TM2D1: variants seen among roughly 807,000 people sequenced by gnomAD.
TM2D1 encodes the protein TM2 domain-containing protein 1.
A neutral mutation model predicts 28.4 loss-of-function variants in TM2D1; 15 were observed. The ratio of observed to expected loss-of-function variants is 0.53; its 90% CI spans 0.35 to 0.81. The LOEUF (loss-of-function observed/expected upper bound fraction) is 0.81. TM2D1 is among the 40% of genes least tolerant of loss of function. TM2D1 has a pLI of 0.01. For synonymous variants in TM2D1, 93 were observed against 96.2 expected (o/e 0.97, Z 0.20); for missense variants, 236 against 254.9 (o/e 0.93, Z 0.50).
chr1:61,718,037 G>A (rs900120959), intron 2 of TM2D1, among the ~76,000 whole-genome samples: 4 of 152,018 alleles, frequency 2.6e-5, no homozygotes, highest in East Asian at 1.9e-4. Flanking sequence ...AACAAAAAAC[G>A]CCAGGTGTGG....
intron 3 of TM2D1, among the ~76,000 whole-genome samples, chr1:61,707,179 A>C (rs1286623): frequency 1.3e-5 from 2 of 152,144 alleles, no homozygotes; most frequent in African/African-American, 2.4e-5. Context: ...GGCTTGAACC[A>C]GGAAGGTTGA....
intron 2 of TM2D1, among the ~76,000 whole-genome samples, chr1:61,709,728 A>G (rs1644464014): frequency 6.6e-6 from 1 of 152,210 alleles, no homozygotes; most frequent in Non-Finnish European, 1.5e-5. Context: ...CCAAGGGAAG[A>G]ATTGCACAAC....
rs769317909 is a variant in TM2D1 at position 61,723,750 on chromosome 1, C to T, written c.201G>A (p.Thr67=). 3.5e-5 allele frequency: 55 copies of T among 1,557,926 alleles called. No homozygotes were observed. Among genetic ancestry groups the T allele is most frequent in the East Asian group, 6.9e-5 (3 of 43,682 alleles). ...AGTTTGTACAGTTAACTGGTTCTTG[C>T]GTAGCGTCATTTATTTTTGGATCTT... ...ICKDPKINDA[T]QEPVNCTNYT... Residue 67 remains threonine, a synonymous_variant, in exon 2 of 7, where the codon ACG becomes ACA. Coordinates refer to ENST00000606498, the MANE Select transcript of TM2D1 (RefSeq NM_032027.3).
At chr1:61,691,830 G>C (rs139303816) in intron 5 of TM2D1, among the ~76,000 whole-genome samples, 1 of 149,234 alleles carries the variant, frequency 6.7e-6, no homozygotes, top group Non-Finnish European at 1.5e-5. Context: ...CAGGAGAAAC[G>C]CTTGAATCCA....
At chr1:61,699,026 TAC>T (rs2148046503) in intron 4 of TM2D1, 1 of 152,268 alleles carries the variant, frequency 6.6e-6, no homozygotes, top group East Asian at 1.9e-4. Flanking sequence ...TAATAGAAAT[TAC>T]AATTTATTTA....
rs1016124536 is a variant in TM2D1 at position 61,683,171 on chromosome 1, G to A, written c.*19+246C>T. ...CAAATAATAAATGCCTTTTTGCTTT[G>A]ATGTTACTTTTTTCTTGTGAACTTT... On this transcript the variant is annotated intron_variant, in intron 6 of 6. Transcript: ENST00000606498. 7.5e-5 allele frequency: 14 copies of A among 186,844 alleles called. 1 individual carries two copies. The highest frequency in any genetic ancestry group is 5.5e-5 in the Non-Finnish European group (5 of 91,706). 11.6% of individuals were successfully genotyped at this position (186,844 alleles called of 1,614,324 possible). A position where few individuals can be genotyped will look rare whatever the true frequency, so the allele number is the denominator to read the frequency against.
intron 2 of TM2D1, among the ~76,000 whole-genome samples, chr1:61,711,920 T>C (rs531375884): frequency 9.0e-4 from 137 of 151,926 alleles, no homozygotes; most frequent in South Asian, 1.9e-3. Flanking sequence ...TTTTTTTTTT[T>C]AAGAGATGAG....
At position 61,696,542 on chromosome 1, in the gene TM2D1, CAA is replaced by C. The variant is rs10710571; in HGVS notation, c.440-1774_440-1773del. Among the ~76,000 whole-genome samples, 563 of 121,554 alleles carry C rather than the reference CAA, an allele frequency of 4.6e-3. 2 individuals are homozygous for C. Among genetic ancestry groups the C allele is most frequent in the African/African-American group, 5.3e-3 (174 of 32,828 alleles). 79.7% of individuals were successfully genotyped at this position (121,554 alleles called of 152,430 possible). A position where few individuals can be genotyped will look rare whatever the true frequency, so the allele number is the denominator to read the frequency against. On this transcript the variant is annotated intron_variant, in intron 4 of 6. Coordinates refer to ENST00000606498, the MANE Select transcript of TM2D1 (RefSeq NM_032027.3). ...CAACAAAGCCGGGGCAACCTTGTCT[CAA>C]AAAAAAAAAAAAAAGAAAGAAAGAA...
At chr1:61,713,988 C>T (rs1194399127) in intron 2 of TM2D1, among the ~76,000 whole-genome samples, 4 of 146,996 alleles carry the variant, frequency 2.7e-5, no homozygotes, top group Admixed American at 6.8e-5. Flanking sequence ...CTCCGCTTCC[C>T]GGGTTCACGC....
At chr1:61,722,398 T>C (rs1644574470) in intron 2 of TM2D1, among the ~76,000 whole-genome samples, 1 of 152,196 alleles carries the variant, frequency 6.6e-6, no homozygotes, top group South Asian at 2.1e-4. Context: ...AGACAGAGTC[T>C]TGCTCTGTCA....
chr1:61,691,148 A>T (rs537033344), intron 5 of TM2D1, among the ~76,000 whole-genome samples: 1 of 152,222 alleles, frequency 6.6e-6, no homozygotes, highest in African/African-American at 2.4e-5. Context: ...TTAATATAAG[A>T]GACTTTATTT....
chr1:61,714,328 G>A (rs1644501550), intron 2 of TM2D1, among the ~76,000 whole-genome samples: 1 of 151,748 alleles, frequency 6.6e-6, no homozygotes, highest in Admixed American at 6.6e-5. Context: ...GGATCACCAG[G>A]TCAGGAGTTC....
At chr1:61,690,864 T>C (rs1644318866) in intron 5 of TM2D1, among the ~76,000 whole-genome samples, 1 of 152,224 alleles carries the variant, frequency 6.6e-6, no homozygotes, top group South Asian at 2.1e-4. Flanking sequence ...ACTTTACCAG[T>C]CTGTTAAATG....
At chr1:61,692,553 AAG>A (rs1033423002) in intron 5 of TM2D1, among the ~76,000 whole-genome samples, 5 of 152,154 alleles carry the variant, frequency 3.3e-5, no homozygotes, top group South Asian at 2.1e-4. Flanking sequence ...AAAAAAAAGA[AAG>A]AGAGAAAGTC....
chr1:61,689,294 A>C (rs1394688660), intron 5 of TM2D1, among the ~76,000 whole-genome samples: 1 of 152,210 alleles, frequency 6.6e-6, no homozygotes, highest in African/African-American at 2.4e-5. Context: ...TAAAATGCAA[A>C]GATTTTTTAA....
At chr1:61,691,119 C>T (rs1151763) in intron 5 of TM2D1, among the ~76,000 whole-genome samples, 142,848 of 152,280 alleles carry the variant, frequency 0.94, 67,063 homozygotes, top group South Asian at 0.97. Context: ...CTTTCTGATT[C>T]GTGGCTGTTT....
chr1:61,686,668 G>GA (rs940004817), intron 5 of TM2D1: 4 of 452,604 alleles, frequency 8.8e-6, no homozygotes, highest in Admixed American at 6.4e-5. Flanking sequence ...CTATCTCAAA[G>GA]AAAAAATAAA....
At chr1:61,691,932 A>AAAAAAAAAATATATATATAT in intron 5 of TM2D1, among the ~76,000 whole-genome samples, 4 of 76,384 alleles carry the variant, frequency 5.2e-5, no homozygotes, top group East Asian at 4.7e-4. Context: ...AAAAAAAAAA[A>AAAAAAAAAATATATATATAT]ATATATATAT....
chr1:61,701,941 A>G (rs1455135986), intron 3 of TM2D1, among the ~76,000 whole-genome samples: 1 of 152,178 alleles, frequency 6.6e-6, no homozygotes, highest in Admixed American at 6.5e-5. Context: ...CTGTAATCCT[A>G]GCACTTTGGG....
Sources: allele counts gnomAD v4.1 joint callset (sites outside exome capture counted in the v4.1 genomes callset), GRCh38; gene constraint gnomAD v4.1.1; transcripts MANE v1.5; gene names NCBI Gene and HGNC (gene_info 2026-07-23, HGNC 2026-07-21).